The following KCNT2 variants were observed in gnomAD, a reference collection of about 807,000 sequenced individuals.
KCNT2 encodes potassium channel subfamily T member 2.
In KCNT2, 67 loss-of-function variants were observed where a neutral mutation model predicts 153.8. The ratio of observed to expected loss-of-function variants is 0.44; its 90% CI spans 0.36 to 0.53. KCNT2 has a LOEUF of 0.53. KCNT2 is among the 20% of genes least tolerant of loss of function. The probability of loss-of-function intolerance (pLI) is 0.00; values close to 1 mark genes in which losing one functional copy is unlikely to be tolerated. For synonymous variants in KCNT2, 500 were observed against 458.8 expected (o/e 1.09, Z -1.15); for missense variants, 975 against 1,354.8 (o/e 0.72, Z 4.40).
intron 12 of KCNT2, among the ~76,000 whole-genome samples, chr1:196,415,357 A>G (rs897123664): frequency 2.6e-5 from 4 of 151,858 alleles, no homozygotes; most frequent in African/African-American, 9.7e-5. Flanking sequence ...TTGCATCAGC[A>G]ACTATGCCAG....
Position 196,275,645 on chromosome 1 carries a change from A to G in KCNT2, c.2910+5215T>C, listed in dbSNP as rs16839718. Among the ~76,000 whole-genome samples, 545 of 152,062 alleles carry G rather than the reference A, an allele frequency of 3.6e-3. 12 individuals carry two copies. The highest frequency in any genetic ancestry group is 0.032 in the East Asian group (165 of 5,170). On this transcript the variant is annotated intron_variant, in intron 25 of 27. Coordinates refer to ENST00000294725, the MANE Select transcript of KCNT2 (RefSeq NM_198503.5). ...TTTGTTTTCTCTACTCAGAACATGG[A>G]AAGATGACAGGCTGGAAAATGATGT...
chr1:196,502,229 A>G (rs1370998967), intron 1 of KCNT2, among the ~76,000 whole-genome samples: 1 of 152,278 alleles, frequency 6.6e-6, no homozygotes, highest in Admixed American at 6.5e-5. Flanking sequence ...ATGTTGTGCA[A>G]TTTTTCCTAA....
At chr1:196,514,829 G>A (rs1483309418) in intron 1 of KCNT2, among the ~76,000 whole-genome samples, 1 of 152,016 alleles carries the variant, frequency 6.6e-6, no homozygotes, top group African/African-American at 2.4e-5. Context: ...TCTGCTAAAT[G>A]TGTCTTTTAG....
intron 22 of KCNT2, among the ~76,000 whole-genome samples, chr1:196,301,667 A>C (rs925881107): frequency 3.3e-5 from 5 of 152,204 alleles, no homozygotes; most frequent in African/African-American, 1.2e-4. Context: ...CTTAAACATG[A>C]ATGAAGACCA....
chr1:196,513,034 T>C (rs1212329132), intron 1 of KCNT2, among the ~76,000 whole-genome samples: 1 of 152,142 alleles, frequency 6.6e-6, no homozygotes, highest in Non-Finnish European at 1.5e-5. Flanking sequence ...GGTACTCTGA[T>C]CTACCTGCTA....
chr1:196,429,843 A>G, intron 8 of KCNT2, 86 bp from the exon 9 acceptor site: 1 of 923,252 alleles, frequency 1.1e-6, no homozygotes, highest in South Asian at 1.9e-5. Context: ...GCCAAAGCAC[A>G]TTTCATAAAG....
chr1:196,313,491 T>A (rs73065818), intron 21 of KCNT2, among the ~76,000 whole-genome samples: 1 of 151,292 alleles, frequency 6.6e-6, no homozygotes, highest in Non-Finnish European at 1.5e-5. Context: ...AGAAGAGTGA[T>A]CTGGAGGATG....
chr1:196,495,296 T>C (rs908834712), intron 1 of KCNT2, among the ~76,000 whole-genome samples: 1 of 152,058 alleles, frequency 6.6e-6, no homozygotes. Flanking sequence ...ATGATAACTC[T>C]TTCTAGCAGC....
intron 12 of KCNT2, among the ~76,000 whole-genome samples, chr1:196,401,030 A>G (rs1671367636): frequency 6.6e-6 from 1 of 151,806 alleles, no homozygotes; most frequent in South Asian, 2.1e-4. Flanking sequence ...AGACACAGGA[A>G]AAGGGAGAGG....
At chr1:196,382,081 A>ATTT (rs1669542201) in intron 13 of KCNT2, among the ~76,000 whole-genome samples, 2 of 55,072 alleles carry the variant, frequency 3.6e-5, no homozygotes, top group East Asian at 1.3e-3. Flanking sequence ...ATGTTTAACC[A>ATTT]AATTTATTTA....
chr1:196,508,376 A>G (rs1043379478), intron 1 of KCNT2, among the ~76,000 whole-genome samples: 2 of 152,052 alleles, frequency 1.3e-5, no homozygotes, highest in Non-Finnish European at 2.9e-5. Flanking sequence ...AACAAAAACA[A>G]AAACATAAAG....
intron 25 of KCNT2, among the ~76,000 whole-genome samples, chr1:196,276,090 T>TTTTTTCAGTTC (rs1249633194): frequency 6.6e-6 from 1 of 152,054 alleles, no homozygotes; most frequent in Non-Finnish European, 1.5e-5. Flanking sequence ...TATTTCATGT[T>TTTTTTCAGTTC]TTTTTCAGTT....
chr1:196,470,876 CTTTTTTTT>C (rs71154745), intron 5 of KCNT2, among the ~76,000 whole-genome samples: 1 of 75,900 alleles, frequency 1.3e-5, no homozygotes, highest in African/African-American at 4.9e-5. Flanking sequence ...TTCTTTCTTT[CTTTTTTTT>C]TTTTTTTTTT....
At chr1:196,356,807 T>C (rs1236858157) in intron 14 of KCNT2, among the ~76,000 whole-genome samples, 1 of 151,682 alleles carries the variant, frequency 6.6e-6, no homozygotes, top group African/African-American at 2.4e-5. Flanking sequence ...ATATAAGGAG[T>C]GTTCAGACTT....
intron 25 of KCNT2, among the ~76,000 whole-genome samples, chr1:196,278,973 G>C (rs1180572981): frequency 1.3e-5 from 2 of 152,186 alleles, no homozygotes; most frequent in Non-Finnish European, 1.5e-5. Context: ...CTTTCCACCA[G>C]ATGAGAATTC....
At chr1:196,386,940 C>T (rs1406962442) in intron 13 of KCNT2, among the ~76,000 whole-genome samples, 3 of 151,890 alleles carry the variant, frequency 2.0e-5, no homozygotes, top group African/African-American at 7.2e-5. Context: ...ATATATTTCA[C>T]TAACAGTAAC....
intron 13 of KCNT2, among the ~76,000 whole-genome samples, chr1:196,375,426 G>T (rs533407486): frequency 9.9e-5 from 15 of 151,678 alleles, no homozygotes; most frequent in African/African-American, 3.1e-4. Context: ...ATGCAACTGC[G>T]GTGTAAATTA....
At chr1:196,485,268 G>C (rs913331391) in intron 3 of KCNT2, among the ~76,000 whole-genome samples, 5 of 151,978 alleles carry the variant, frequency 3.3e-5, no homozygotes, top group Admixed American at 6.6e-5. Context: ...GACACAGGGA[G>C]GGGAACAACA....
chr1:196,285,343 A>C (rs1157755953), intron 23 of KCNT2, among the ~76,000 whole-genome samples: 3 of 152,138 alleles, frequency 2.0e-5, no homozygotes, highest in Non-Finnish European at 4.4e-5. Flanking sequence ...TACCTTTTTA[A>C]ATCCAGTAAT....
Sources: gnomAD v4.1 joint callset for allele counts (sites outside exome capture counted in the v4.1 genomes callset) on GRCh38, gnomAD v4.1.1 for gene constraint, MANE v1.5 for transcripts, NCBI Gene and HGNC (gene_info 2026-07-23, HGNC 2026-07-21) for gene names.